The following NHSL3 variants were observed in gnomAD, a reference collection of about 807,000 sequenced individuals.
The protein encoded by NHSL3 is NHS-like protein 3.
At chr1:32,743,531 C>A in the NHSL3 span, among the ~76,000 whole-genome samples, 3 of 152,216 alleles carry the variant, frequency 2.0e-5, no homozygotes, top group African/African-American at 7.2e-5. Context: ...TGTCCCAGGG[C>A]TGCCCCACTG....
chr1:32,758,536 C>T, the NHSL3 span, among the ~76,000 whole-genome samples: 1 of 151,974 alleles, frequency 6.6e-6, no homozygotes, highest in Non-Finnish European at 1.5e-5. Flanking sequence ...GACTTGTGAT[C>T]AACTGCTTGG....
chr1:32,764,463 G>GC, the NHSL3 span, among the ~76,000 whole-genome samples: 1 of 150,516 alleles, frequency 6.6e-6, no homozygotes, highest in Non-Finnish European at 1.5e-5. Flanking sequence ...CAACCATCTT[G>GC]TTTTTTTCTT....
At chr1:32,771,668 CGGGT>C in the NHSL3 span, 2 of 1,610,694 alleles carry the variant, frequency 1.2e-6, no homozygotes, top group Non-Finnish European at 1.7e-6. Flanking sequence ...ATTCAGCCCC[CGGGT>C]AGCCCAGACC....
At chr1:32,771,728 G>C in the NHSL3 span, 5 of 1,613,656 alleles carry the variant, frequency 3.1e-6, no homozygotes, top group Non-Finnish European at 4.2e-6. Context: ...TCCGCCCCAG[G>C]GCATGTGGCC....
chr1:32,759,740 C>T, the NHSL3 span, among the ~76,000 whole-genome samples: 4 of 152,270 alleles, frequency 2.6e-5, no homozygotes, highest in Admixed American at 2.6e-4. Flanking sequence ...CCCCCAACTG[C>T]CCTTACCCAT....
At chr1:32,771,545 C>A in the NHSL3 span, 16 of 1,606,388 alleles carry the variant, frequency 1.0e-5, no homozygotes, top group Admixed American at 3.4e-5. Context: ...GACTTCCCCC[C>A]ACCAGAGGAG....
the NHSL3 span, among the ~76,000 whole-genome samples, chr1:32,756,482 C>T: frequency 3.5e-5 from 4 of 115,432 alleles, no homozygotes; most frequent in Non-Finnish European, 5.8e-5. Context: ...CCCCCCCCCC[C>T]GCCCATTTCT....
At chr1:32,769,928 C>T in the NHSL3 span, 5 of 1,607,670 alleles carry the variant, frequency 3.1e-6, no homozygotes, top group East Asian at 1.1e-4. Flanking sequence ...GCTCCTGGTG[C>T]ACGGGATGCC....
chr1:32,758,507 G>A, the NHSL3 span, among the ~76,000 whole-genome samples: 3 of 152,044 alleles, frequency 2.0e-5, no homozygotes, highest in East Asian at 3.9e-4. Flanking sequence ...CCCATGTCTC[G>A]TCCCCTTTCT....
At chr1:32,743,385 C>G in the NHSL3 span, among the ~76,000 whole-genome samples, 1 of 152,126 alleles carries the variant, frequency 6.6e-6, no homozygotes, top group Non-Finnish European at 1.5e-5. Context: ...GATAAGGGCC[C>G]TGCTTCCCTG....
the NHSL3 span, chr1:32,768,784 A>G: frequency 1.4e-5 from 23 of 1,613,202 alleles, no homozygotes; most frequent in East Asian, 2.2e-5. Context: ...AGGTGGATTC[A>G]TGGGCAGGGG....
the NHSL3 span, among the ~76,000 whole-genome samples, chr1:32,762,362 GATAC>G: frequency 6.6e-6 from 1 of 151,980 alleles, no homozygotes; most frequent in Non-Finnish European, 1.5e-5. Flanking sequence ...ATACTGCACA[GATAC>G]ATATATATAG....
At chr1:32,756,611 C>A in the NHSL3 span, among the ~76,000 whole-genome samples, 9 of 131,654 alleles carry the variant, frequency 6.8e-5, no homozygotes, top group African/African-American at 2.3e-4. Context: ...GTGAGCCGAT[C>A]GTGCCAGTGC....
the NHSL3 span, among the ~76,000 whole-genome samples, chr1:32,764,157 A>C: frequency 6.6e-6 from 1 of 152,052 alleles, no homozygotes; most frequent in Non-Finnish European, 1.5e-5. Context: ...CACCATGCCC[A>C]GCCTATTCTT....
chr1:32,768,977 G>A, the NHSL3 span: 2 of 630,024 alleles, frequency 3.2e-6, no homozygotes, highest in Non-Finnish European at 5.1e-6. Context: ...GCGGCCGGGT[G>A]CGGTGGCTCA....
chr1:32,763,781 C>T, the NHSL3 span, among the ~76,000 whole-genome samples: 4 of 151,890 alleles, frequency 2.6e-5, no homozygotes, highest in Non-Finnish European at 5.9e-5. Flanking sequence ...ACCATGTTGG[C>T]CAGGCTGGTC....
the NHSL3 span, chr1:32,772,020 C>T: frequency 1.2e-6 from 2 of 1,604,362 alleles, no homozygotes; most frequent in Non-Finnish European, 8.5e-7. Context: ...GTGAAGGCCT[C>T]TCAAGTGCTC....
chr1:32,770,700 C>G, the NHSL3 span: 1 of 1,541,756 alleles, frequency 6.5e-7, no homozygotes, highest in Non-Finnish European at 8.8e-7. This position sits in a 1 kb window ranked among gnomAD's most constrained non-coding sequence, Gnocchi z 8.3. Flanking sequence ...CCCACTCCCT[C>G]CATCAGCGGG....
At chr1:32,750,063 T>C in the NHSL3 span, among the ~76,000 whole-genome samples, 1 of 152,298 alleles carries the variant, frequency 6.6e-6, no homozygotes, top group Admixed American at 6.5e-5. Context: ...TGTATGTTAT[T>C]TGGGCCACAG....
Sources: allele counts gnomAD v4.1 joint callset (sites outside exome capture counted in the v4.1 genomes callset), GRCh38; gene constraint gnomAD v4.1.1; non-coding constraint Gnocchi (gnomAD v3.1); transcripts MANE v1.5; gene names NCBI Gene and HGNC (gene_info 2026-07-23, HGNC 2026-07-21).